Variants in MSH4 observed in about 807,000 individuals in gnomAD.
MSH4 encodes the protein mutS homolog 4.
A neutral mutation model predicts 113.7 loss-of-function variants in MSH4; 106 were observed. That is an observed-to-expected ratio of 0.93 (90% confidence interval 0.80 to 1.10). MSH4 has a LOEUF of 1.10. Ranked by LOEUF, MSH4 falls within the 50% of genes least tolerant of loss-of-function variation. MSH4 has a pLI of 0.00. For synonymous variants in MSH4, 368 were observed against 380.2 expected, an observed-to-expected ratio of 0.97 and a Z score of 0.37; for missense variants, 1,061 against 1,093.7, an observed-to-expected ratio of 0.97 and a Z score of 0.42.
chr1:75,894,499 C>G (rs1652330321), intron 17 of MSH4, among the ~76,000 whole-genome samples: 1 of 152,136 alleles, frequency 6.6e-6, no homozygotes, highest in Admixed American at 6.5e-5. Flanking sequence ...CATTGAGTCC[C>G]CTTTATGGTA....
chr1:75,861,749 C>T (rs1651459110), intron 8 of MSH4, among the ~76,000 whole-genome samples: 1 of 152,204 alleles, frequency 6.6e-6, no homozygotes, highest in Non-Finnish European at 1.5e-5. Context: ...GAGGCAGTCT[C>T]TCTGTTATTG....
chr1:75,814,990 AC>A (rs757003639), intron 4 of MSH4, 30 bp from the exon 5 acceptor site: 21 of 1,398,224 alleles, frequency 1.5e-5, no homozygotes, highest in Non-Finnish European at 2.1e-5. Flanking sequence ...GGCACTTCAA[AC>A]TTTATTTTGA....
intron 7 of MSH4, among the ~76,000 whole-genome samples, chr1:75,827,463 A>G (rs1390456930): frequency 6.6e-6 from 1 of 152,182 alleles, no homozygotes; most frequent in African/African-American, 2.4e-5. Flanking sequence ...CATCATGATG[A>G]TAGGATCAAA....
rs777072562 is a variant in MSH4 at position 75,912,805 on chromosome 1, G to A, written c.2729G>A (p.Arg910Gln). 9 of 1,591,778 alleles carry A rather than the reference G, an allele frequency of 5.7e-6. No homozygotes were observed. Among genetic ancestry groups the A allele is most frequent in the South Asian group, 2.3e-5 (2 of 87,874 alleles). ...RNSQLDPDSL[R>Q]IYLSNLKKKY... is the part of the protein sequence containing the mutation. ...TCTCAATTGGATCCAGACAGTTTAC[G>A]AATATATTTAAGTAACCTCAAGAAG... The change falls in exon 20 of 20, where the codon CGA (arginine) becomes CAA (glutamine). Residue 910 changes from arginine to glutamine, a missense_variant. Transcript: ENST00000263187.
chr1:75,796,934 G>A lies in MSH4; in HGVS notation c.-52G>A, dbSNP rs1649822402. 6.2e-7 allele frequency: 1 copy of A among 1,606,214 alleles called. No individual in the cohort carries two copies. The highest frequency in any genetic ancestry group is 8.5e-7 in the Non-Finnish European group (1 of 1,175,492). ...CGCAGCTTCTGTAGTTGGGCTACTGGAGGGGTCGCTCAGAAACCTCATACT... is the reference window on the plus strand; with the variant it reads ...CGCAGCTTCTGTAGTTGGGCTACTGAAGGGGTCGCTCAGAAACCTCATACT... On this transcript the variant is annotated 5_prime_UTR_variant, in exon 1 of 20. Coordinates refer to ENST00000263187, the MANE Select transcript of MSH4 (RefSeq NM_002440.4).
chr1:75,867,392 C>A (rs369706174), intron 8 of MSH4, 122 bp from the exon 9 acceptor site: 24 of 618,168 alleles, frequency 3.9e-5, no homozygotes, highest in Non-Finnish European at 6.4e-5. Context: ...GCTTGCATTG[C>A]GGCTAGGCTG....
intron 1 of MSH4, among the ~76,000 whole-genome samples, chr1:75,800,351 T>C (rs560643104): frequency 9.2e-5 from 14 of 152,294 alleles, no homozygotes; most frequent in Non-Finnish European, 1.9e-4. Context: ...ACCCATATAA[T>C]GAAGTTATAT....
At chr1:75,813,721 C>A (rs553609389) in intron 4 of MSH4, among the ~76,000 whole-genome samples, 1 of 149,748 alleles carries the variant, frequency 6.7e-6, no homozygotes, top group South Asian at 2.1e-4. Context: ...CATAAGAAGA[C>A]CTTCATTAGC....
intron 1 of MSH4, among the ~76,000 whole-genome samples, chr1:75,801,794 C>G (rs1313385667): frequency 2.0e-5 from 3 of 151,606 alleles, no homozygotes; most frequent in African/African-American, 7.3e-5. Context: ...TACTTGAGCC[C>G]ATGAGCTTGA....
chr1:75,845,024 T>A (rs1321411359), intron 7 of MSH4, among the ~76,000 whole-genome samples: 1 of 152,172 alleles, frequency 6.6e-6, no homozygotes, highest in Non-Finnish European at 1.5e-5. Context: ...AGAATTTACT[T>A]CCAGAACAAG....
At chr1:75,825,440 A>C (rs12748900) in intron 7 of MSH4, among the ~76,000 whole-genome samples, 31,464 of 151,874 alleles carry the variant, frequency 0.21, 3,808 homozygotes, top group African/African-American at 0.3. Context: ...CTCTTCCTAT[A>C]TGAATACCCT....
chr1:75,876,364 T>A (rs1000723389), intron 9 of MSH4, among the ~76,000 whole-genome samples: 1 of 152,100 alleles, frequency 6.6e-6, no homozygotes, highest in African/African-American at 2.4e-5. Flanking sequence ...TATTTTCTGT[T>A]CATAAGCAAA....
chr1:75,843,565 C>A (rs1338532157), intron 7 of MSH4, among the ~76,000 whole-genome samples: 2 of 152,106 alleles, frequency 1.3e-5, no homozygotes, highest in Non-Finnish European at 1.5e-5. Context: ...TATGCAGGGT[C>A]AAATAAAACC....
chr1:75,809,794 G>A (rs1650148621), intron 3 of MSH4, among the ~76,000 whole-genome samples: 1 of 151,960 alleles, frequency 6.6e-6, no homozygotes. Flanking sequence ...GGGATTACAT[G>A]TGCACACCAC....
At chr1:75,906,598 A>G (rs1355455989) in intron 19 of MSH4, among the ~76,000 whole-genome samples, 1 of 104,414 alleles carries the variant, frequency 9.6e-6, no homozygotes, top group Non-Finnish European at 1.8e-5. Flanking sequence ...TTAATTTATG[A>G]TTTTCATGAG....
chr1:75,881,418 T>C (rs761291033), intron 14 of MSH4, 48 bp downstream of exon 14: 43 of 1,575,372 alleles, frequency 2.7e-5, no homozygotes, highest in African/African-American at 2.3e-4. Flanking sequence ...TAAATTTGTA[T>C]TCGATTCAAA....
At chr1:75,856,398 C>T (rs1425953583) in intron 8 of MSH4, among the ~76,000 whole-genome samples, 1 of 152,156 alleles carries the variant, frequency 6.6e-6, no homozygotes, top group Non-Finnish European at 1.5e-5. Context: ...ATCAACCCAT[C>T]ACCTACATTA....
intron 16 of MSH4, 84 bp from the exon 17 acceptor site, chr1:75,890,612 G>A (rs2100582772): frequency 4.6e-6 from 3 of 651,580 alleles, no homozygotes; most frequent in East Asian, 6.2e-5. Flanking sequence ...AACTTATAAA[G>A]AGACTGGGTT....
chr1:75,824,609 T>C lies in MSH4; in HGVS notation c.1162+2028T>C, dbSNP rs184961688. 2.9e-3 allele frequency among the ~76,000 whole-genome samples: 437 copies of C among 152,280 alleles called. 5 individuals are homozygous for C. Among genetic ancestry groups the C allele is most frequent in the African/African-American group, 0.01 (423 of 41,572 alleles). ...CTAGGGTTTGTATGGTTTTAGGTCT[T>C]ACATTTAAGTCTTTAATCCATCTTG... On this transcript the variant is annotated intron_variant, in intron 7 of 19. Coordinates refer to ENST00000263187, the MANE Select transcript of MSH4 (RefSeq NM_002440.4).
Sources: gnomAD v4.1 joint callset for allele counts (sites outside exome capture counted in the v4.1 genomes callset) on GRCh38, gnomAD v4.1.1 for gene constraint, MANE v1.5 for transcripts, NCBI Gene and HGNC (gene_info 2026-07-23, HGNC 2026-07-21) for gene names.